Variants in RPH3A observed in about 807,000 individuals in gnomAD.
RPH3A encodes rabphilin 3A, also known as rabphilin-3A.
A neutral mutation model predicts 102.2 loss-of-function variants in RPH3A; 48 were observed. That is an observed-to-expected ratio of 0.47 (90% CI 0.37 to 0.60). The LOEUF (loss-of-function observed/expected upper bound fraction) is 0.60, where lower values mean the gene tolerates loss of function less well. RPH3A is among the 20% of genes least tolerant of loss of function. The pLI, the probability that RPH3A is intolerant of heterozygous loss-of-function variation, is 0.00. For missense variants in RPH3A, 781 were observed against 910.1 expected, an observed-to-expected ratio of 0.86 and a Z score of 1.83; for synonymous variants, 310 against 324.3, an observed-to-expected ratio of 0.96 and a Z score of 0.47.
At chr12:112,877,021 T>C (rs2042815182) in intron 13 of RPH3A, among the ~76,000 whole-genome samples, 155 bp downstream of exon 13, 1 of 152,210 alleles carries the variant, frequency 6.6e-6, no homozygotes, top group Non-Finnish European at 1.5e-5. Context: ...AAGTACAGAT[T>C]TGTGTTTCTA....
At chr12:112,732,731 C>T (rs1359800838) in intron 1 of RPH3A, among the ~76,000 whole-genome samples, 1 of 152,158 alleles carries the variant, frequency 6.6e-6, no homozygotes, top group African/African-American at 2.4e-5. Flanking sequence ...TCAATATGGT[C>T]AGGCCTGTAT....
chr12:112,666,947 C>T (rs1771000844), intron 1 of RPH3A, among the ~76,000 whole-genome samples: 1 of 152,178 alleles, frequency 6.6e-6, no homozygotes, highest in South Asian at 2.1e-4. Flanking sequence ...CTGATCTGAT[C>T]CTGTGTACCT....
chr12:112,841,708 T>TTTG (rs2042149788), intron 4 of RPH3A, among the ~76,000 whole-genome samples: 5 of 126,850 alleles, frequency 3.9e-5, no homozygotes, highest in African/African-American at 1.5e-4. Context: ...GTTTTTTTGG[T>TTTG]TTTTTTTTTT....
rs929281 is a variant in RPH3A, at chr12:112,784,630, G to A, written c.-139-7513G>A. ...CCAGGCATCAGATTTGTTCTGGGCC[G>A]TGAGAACTCAGAAATACACAAGACT... On this transcript the variant is annotated intron_variant, in intron 1 of 21. Coordinates refer to the RPH3A transcript ENST00000543106. 9.2e-5 allele frequency among the ~76,000 whole-genome samples: 14 copies of A among 152,128 alleles called. No homozygotes were observed. In the South Asian group the frequency reaches 2.3e-3, roughly 25 times the overall value.
chr12:112,797,610 T>C (rs2041258059), intron 2 of RPH3A, among the ~76,000 whole-genome samples: 1 of 152,078 alleles, frequency 6.6e-6, no homozygotes, highest in South Asian at 2.1e-4. Context: ...GGTAGATTTG[T>C]GGCAAGGCCT....
intron 6 of RPH3A, among the ~76,000 whole-genome samples, chr12:112,866,490 C>T (rs551103236): frequency 6.6e-6 from 1 of 152,270 alleles, no homozygotes; most frequent in African/African-American, 2.4e-5. Flanking sequence ...TGTCAGTGAT[C>T]TCCCCAGTGT....
At chr12:112,648,706 C>T (rs2039952044) in intron 1 of RPH3A, among the ~76,000 whole-genome samples, 1 of 135,164 alleles carries the variant, frequency 7.4e-6, no homozygotes, top group Non-Finnish European at 1.5e-5. Flanking sequence ...GATTGTGCCA[C>T]TGTACTCTAG....
At chr12:112,767,336 C>T (rs1457749561) in intron 1 of RPH3A, among the ~76,000 whole-genome samples, 1 of 152,186 alleles carries the variant, frequency 6.6e-6, no homozygotes, top group African/African-American at 2.4e-5. Context: ...TCCTCCTCCT[C>T]AATCTCACCC....
intron 2 of RPH3A, among the ~76,000 whole-genome samples, chr12:112,826,744 A>G (rs752907230): frequency 4.6e-5 from 7 of 152,200 alleles, no homozygotes; most frequent in Non-Finnish European, 1.0e-4. Context: ...GGGTTCATCC[A>G]TGGTGTTACA....
In RPH3A at chr12:112,883,408, T is replaced by G. The variant is rs1406529625; in HGVS notation, c.1436+6T>G. 1 of 1,608,308 alleles carries G rather than the reference T, an allele frequency of 6.2e-7. No individual in the cohort carries two copies. The highest frequency in any genetic ancestry group is 1.1e-5 in the South Asian group (1 of 90,754). ...ATGCAAAGGAAGACCCTCAGGTACCTGGCAGGCAGAGGGCAGAGAGGGAGG... is the reference window on the plus strand; with the variant it reads ...ATGCAAAGGAAGACCCTCAGGTACCGGGCAGGCAGAGGGCAGAGAGGGAGG... On this transcript the variant is annotated splice_donor_region_variant and intron_variant, in intron 16 of 21. Transcript: ENST00000389385.
chr12:112,817,919 T>C (rs1246777261), intron 2 of RPH3A, among the ~76,000 whole-genome samples: 1 of 152,166 alleles, frequency 6.6e-6, no homozygotes, highest in Non-Finnish European at 1.5e-5. Flanking sequence ...CCCTGTTTGC[T>C]GCAAGGTAGC....
At chr12:112,657,579 TATG>T (rs1156648141) in intron 1 of RPH3A, among the ~76,000 whole-genome samples, 5 of 152,322 alleles carry the variant, frequency 3.3e-5, no homozygotes, top group Middle Eastern at 6.8e-3. Flanking sequence ...TTATGATGGT[TATG>T]ATGTCATTAG....
intron 4 of RPH3A, among the ~76,000 whole-genome samples, chr12:112,846,236 TC>T (rs1258714940): frequency 6.6e-6 from 1 of 152,214 alleles, no homozygotes; most frequent in Non-Finnish European, 1.5e-5. Context: ...TGTGCAACCA[TC>T]CCTTCTGCCT....
chr12:112,661,682 T>C (rs2040049380), intron 1 of RPH3A, among the ~76,000 whole-genome samples: 1 of 152,208 alleles, frequency 6.6e-6, no homozygotes, highest in Non-Finnish European at 1.5e-5. Context: ...AGGCTCTTGA[T>C]AGGAAGCAGC....
At chr12:112,771,805 TA>T (rs2040929317) in intron 1 of RPH3A, among the ~76,000 whole-genome samples, 3 of 152,198 alleles carry the variant, frequency 2.0e-5, no homozygotes, top group Non-Finnish European at 4.4e-5. Flanking sequence ...TAGTAAGTTG[TA>T]AAATCCTACC....
chr12:112,676,117 C>G (rs936861803), intron 1 of RPH3A, among the ~76,000 whole-genome samples: 1 of 152,044 alleles, frequency 6.6e-6, no homozygotes, highest in African/African-American at 2.4e-5. Context: ...CCTGGCTTCT[C>G]CCTTCCTTGT....
At chr12:112,891,139 T>A in intron 19 of RPH3A, 136 bp downstream of exon 19, 1 of 934,494 alleles carries the variant, frequency 1.1e-6, no homozygotes, top group Non-Finnish European at 1.6e-6. Flanking sequence ...AAGGTCACAG[T>A]GAAACAAATG....
At chr12:112,686,816 C>T (rs965544952) in intron 1 of RPH3A, among the ~76,000 whole-genome samples, 3 of 152,222 alleles carry the variant, frequency 2.0e-5, no homozygotes, top group African/African-American at 7.2e-5. Flanking sequence ...TGGCTCTATA[C>T]ATTTTCAGTT....
chr12:112,807,626 A>G (rs1216810035), intron 2 of RPH3A, among the ~76,000 whole-genome samples: 1 of 152,186 alleles, frequency 6.6e-6, no homozygotes, highest in Admixed American at 6.5e-5. Flanking sequence ...CCAAGTCAAT[A>G]TATTATGTTT....
Sources: allele counts gnomAD v4.1 joint callset (sites outside exome capture counted in the v4.1 genomes callset), GRCh38; gene constraint gnomAD v4.1.1; transcripts MANE v1.5; gene names NCBI Gene and HGNC (gene_info 2026-07-23, HGNC 2026-07-21).